Variants in VMP1 observed in about 807,000 individuals in gnomAD.
VMP1 encodes the protein ectopic P-granules autophagy protein 3 homolog.
Under a neutral mutation model 56.0 loss-of-function variants are expected in VMP1, and 11 were observed. The observed-to-expected ratio is 0.20, with a 90% CI of 0.12 to 0.32. The LOEUF is 0.32. VMP1 is among the 10% of genes least tolerant of loss of function. VMP1 has a pLI of 1.00. For missense variants in VMP1, 296 were observed against 490.3 expected (o/e 0.60, Z 3.74); for synonymous variants, 149 against 165.0 (o/e 0.90, Z 0.74).
At chr17:59,765,964 A>G (rs777338024) in intron 6 of VMP1, among the ~76,000 whole-genome samples, 1 of 151,776 alleles carries the variant, frequency 6.6e-6, no homozygotes, top group African/African-American at 2.4e-5. Context: ...TTATATATAA[A>G]TATTAGATTG....
At chr17:59,802,515 T>C (rs2037708732) in intron 7 of VMP1, among the ~76,000 whole-genome samples, 1 of 152,216 alleles carries the variant, frequency 6.6e-6, no homozygotes, top group Admixed American at 6.5e-5. Context: ...CCATAACATA[T>C]TAACCAAGTA....
intron 5 of VMP1, among the ~76,000 whole-genome samples, chr17:59,761,423 G>A (rs186166732): frequency 1.6e-3 from 243 of 152,270 alleles, no homozygotes; most frequent in Middle Eastern, 3.4e-3. Flanking sequence ...TGATTGTATG[G>A]ATTTTGTCTT....
At chr17:59,806,178 T>G (rs536989999) in intron 7 of VMP1, among the ~76,000 whole-genome samples, 1 of 152,252 alleles carries the variant, frequency 6.6e-6, no homozygotes, top group African/African-American at 2.4e-5. Flanking sequence ...AATAAATGGA[T>G]TTTGCAGAAG....
intron 7 of VMP1, among the ~76,000 whole-genome samples, chr17:59,798,241 C>A (rs1024992464): frequency 6.6e-6 from 1 of 152,146 alleles, no homozygotes; most frequent in Admixed American, 6.5e-5. Flanking sequence ...GATCTTGACC[C>A]AGAAATAGTT....
intron 7 of VMP1, among the ~76,000 whole-genome samples, chr17:59,778,635 C>A (rs761846891): frequency 2.6e-5 from 4 of 151,792 alleles, no homozygotes; most frequent in Non-Finnish European, 5.9e-5. Context: ...CCCTATTGTA[C>A]AGTCAAGTGG....
chr17:59,748,052 C>T (rs543145228), intron 5 of VMP1, among the ~76,000 whole-genome samples: 15 of 151,878 alleles, frequency 9.9e-5, no homozygotes, highest in African/African-American at 3.6e-4. Flanking sequence ...AAAAATTAGC[C>T]AGGTGTGGTG....
chr17:59,831,009 G>C (rs1030955060), intron 10 of VMP1, among the ~76,000 whole-genome samples: 1 of 152,006 alleles, frequency 6.6e-6, no homozygotes, highest in Non-Finnish European at 1.5e-5. Context: ...TGTGGGTGTA[G>C]AGACAGGAGT....
At chr17:59,760,631 T>C (rs932376132) in intron 5 of VMP1, among the ~76,000 whole-genome samples, 1 of 152,198 alleles carries the variant, frequency 6.6e-6, no homozygotes, top group African/African-American at 2.4e-5. Context: ...TTTTCTTTTT[T>C]CTTTTTTTGA....
At position 59,731,410 on chromosome 17, in the gene VMP1, T is replaced by A. The variant is rs1217276823; in HGVS notation, c.-26-11T>A. On this transcript the variant is annotated splice_polypyrimidine_tract_variant and intron_variant, in intron 1 of 11. Coordinates refer to ENST00000262291, the MANE Select transcript of VMP1 (RefSeq NM_030938.5). ...TGTAATGTATTGCTGGATTTTATTTTGCTGTATTAGCTCCTCAAGAGTTAC... is the reference window on the plus strand; with the variant it reads ...TGTAATGTATTGCTGGATTTTATTTAGCTGTATTAGCTCCTCAAGAGTTAC... 1.4e-5 allele frequency: 22 copies of A among 1,527,220 alleles called. No homozygotes were observed. The highest frequency in any genetic ancestry group is 1.7e-5 in the Non-Finnish European group (19 of 1,123,680). 94.6% of individuals were successfully genotyped at this position (1,527,220 alleles called of 1,614,324 possible). A position where few individuals can be genotyped will look rare whatever the true frequency, so the allele number is the denominator to read the frequency against.
At chr17:59,790,290 G>T (rs1237524552) in intron 7 of VMP1, among the ~76,000 whole-genome samples, 1 of 152,144 alleles carries the variant, frequency 6.6e-6, no homozygotes, top group Non-Finnish European at 1.5e-5. Context: ...AAAGAAATGG[G>T]CATGATAATT....
At chr17:59,780,367 G>A (rs1356548247) in intron 7 of VMP1, among the ~76,000 whole-genome samples, 1 of 152,176 alleles carries the variant, frequency 6.6e-6, no homozygotes, top group Non-Finnish European at 1.5e-5. Flanking sequence ...AAGGTGGGCG[G>A]ATCACTTGAG....
chr17:59,763,238 C>G (rs2036120571), intron 5 of VMP1, among the ~76,000 whole-genome samples: 2 of 151,854 alleles, frequency 1.3e-5, no homozygotes, highest in Admixed American at 1.3e-4. Context: ...ATATCACAAA[C>G]TTTGGGGTTT....
At chr17:59,787,870 ACT>A (rs151238925) in intron 7 of VMP1, among the ~76,000 whole-genome samples, 5,603 of 152,104 alleles carry the variant, frequency 0.037, 365 homozygotes, top group African/African-American at 0.13. Context: ...AAACTTTTAA[ACT>A]CGACCTCCTA....
Position 59,764,962 on chromosome 17 carries a change from G to T in VMP1, c.415-9G>T, listed in dbSNP as rs755915834. The T allele has an allele frequency of 8.4e-6, 13 of 1,549,636 alleles. No individual in the cohort carries two copies. In the South Asian group the frequency reaches 1.5e-4, roughly 18 times the overall value. On this transcript the variant is annotated splice_polypyrimidine_tract_variant and intron_variant, in intron 5 of 11. Coordinates refer to ENST00000262291, the MANE Select transcript of VMP1 (RefSeq NM_030938.5). Reference sequence around the variant, plus strand: ...TTCTTATCAGAAGTTTCTTGTATTTGTTTTATAGGGTCCACATATAGCCTC... The same window carrying T: ...TTCTTATCAGAAGTTTCTTGTATTTTTTTTATAGGGTCCACATATAGCCTC...
Position 59,764,976 on chromosome 17 carries a change from A to G in VMP1, c.420A>G (p.Pro140=), listed in dbSNP as rs1356157368. 6.3e-7 allele frequency: 1 copy of G among 1,597,654 alleles called. No individual in the cohort carries two copies. Among genetic ancestry groups the G allele is most frequent in the East Asian group, 2.2e-5 (1 of 44,552 alleles). The change falls in exon 6 of 12, where the codon CCA becomes CCG. Residue 140 remains proline, a synonymous_variant. Transcript: ENST00000262291. ...GLHTFLLYLG[P]HIASVTLAAY... ...TTCTTGTATTTGTTTTATAGGGTCC[A>G]CATATAGCCTCAGTTACATTAGCTG...
chr17:59,809,879 A>G (rs1432689417), intron 8 of VMP1, among the ~76,000 whole-genome samples: 1 of 152,102 alleles, frequency 6.6e-6, no homozygotes, highest in Non-Finnish European at 1.5e-5. Flanking sequence ...TAAGTATTTC[A>G]TCATGTAGTG....
chr17:59,837,985 T>A (rs2144353181), intron 10 of VMP1: 1 of 223,526 alleles, frequency 4.5e-6, no homozygotes, highest in Admixed American at 5.4e-5. Context: ...GACCTTACTC[T>A]GAGGACTAAC....
At chr17:59,762,206 C>T (rs1004189170) in intron 5 of VMP1, among the ~76,000 whole-genome samples, 2 of 152,134 alleles carry the variant, frequency 1.3e-5, no homozygotes, top group South Asian at 2.1e-4. Context: ...AGCCATAGAC[C>T]AGGATCCCTA....
intron 6 of VMP1, among the ~76,000 whole-genome samples, chr17:59,772,519 A>G (rs1180714939): frequency 2.0e-5 from 3 of 151,232 alleles, no homozygotes; most frequent in Non-Finnish European, 4.4e-5. Flanking sequence ...CTGTAATCCC[A>G]GCACTTTGGG....
Sources: gnomAD v4.1 joint callset for allele counts (sites outside exome capture counted in the v4.1 genomes callset) on GRCh38, gnomAD v4.1.1 for gene constraint, MANE v1.5 for transcripts, NCBI Gene and HGNC (gene_info 2026-07-23, HGNC 2026-07-21) for gene names.